Variants in SYNE2 observed in about 807,000 individuals in gnomAD.
SYNE2 encodes nesprin-2.
SYNE2 carries 431 observed loss-of-function variants against 856.3 expected under a neutral mutation model. The ratio of observed to expected loss-of-function variants is 0.50; its 90% CI spans 0.47 to 0.55. The LOEUF (loss-of-function observed/expected upper bound fraction) is 0.55. SYNE2 is among the 20% of genes least tolerant of loss of function. The pLI is 0.00. For missense variants in SYNE2, 8,129 were observed against 8,023.2 expected (o/e 1.01, Z -0.50); for synonymous variants, 2,923 against 2,872.3 (o/e 1.02, Z -0.56).
chr14:64,075,593 G>T, intron 53 of SYNE2: 1 of 241,250 alleles, frequency 4.1e-6, no homozygotes, highest in Non-Finnish European at 7.9e-6. Context: ...AAACTTCTTT[G>T]AAACTTTTTT....
At chr14:63,852,447 G>A (rs1010739833), upstream of SYNE2, among the ~76,000 whole-genome samples, 2 of 152,134 alleles carry the variant, frequency 1.3e-5, no homozygotes, top group African/African-American at 4.8e-5. Flanking sequence ...CCTCATCCAA[G>A]GGGAAGGAGG....
In SYNE2 at chr14:64,202,045, C is replaced by T; in HGVS notation, c.18039-756C>T. On this transcript the variant is annotated intron_variant, in intron 99 of 115. Transcript: ENST00000555002. ...CTTGACAGCATGTGGACGTGCACGC[C>T]AAGTTGTACTCATGCCATGCGTGTG... 3 of 611,758 alleles carry T rather than the reference C, an allele frequency of 4.9e-6. No individual in the cohort carries two copies. The South Asian group carries it at 5.8e-5, about 12-fold the overall frequency. The allele number at this position is 611,758 out of a possible 1,614,324, so 37.9% of individuals were successfully genotyped here.
In SYNE2 at chr14:64,007,228, GA is replaced by G. The variant is rs758128856; in HGVS notation, c.4577+14del. 7.4e-6 allele frequency: 12 copies of G among 1,612,184 alleles called. No individual in the cohort carries two copies. The highest frequency in any genetic ancestry group is 2.2e-5 in the South Asian group (2 of 91,056). On this transcript the variant is annotated splice_region_variant and intron_variant, in intron 31 of 115. Transcript: ENST00000555002. ...AAAGCCTTGGTCACCGAATGGTAAG[GA>G]AAAAAAAGAATCCCTCTTGAATCTG...
intron 14 of SYNE2, among the ~76,000 whole-genome samples, chr14:63,980,128 T>C (rs989864527): frequency 6.6e-6 from 1 of 152,228 alleles, no homozygotes; most frequent in African/African-American, 2.4e-5. Context: ...ATATTCATAC[T>C]ATTGGCACAC....
In SYNE2 at chr14:64,024,567, C is replaced by T. The variant is rs543880240; in HGVS notation, c.5840+108C>T. The stretch of plus-strand genomic sequence containing the variant: ...GGATACGCAGTACACACAAATTTCA[C>T]ACACAAAAGGCGTACTTTTCAATCC... On this transcript the variant is annotated intron_variant, in intron 39 of 115. Transcript: ENST00000555002. 9.2e-6 allele frequency: 10 copies of T among 1,089,900 alleles called. No homozygotes were observed. The South Asian group carries it at 1.4e-4, about 15-fold the overall frequency. The allele number at this position is 1,089,900 out of a possible 1,614,324, so 67.5% of individuals were successfully genotyped here.
chr14:64,013,533 G>A lies in SYNE2; in HGVS notation c.4729-2940G>A, dbSNP rs557884299. On this transcript the variant is annotated intron_variant, in intron 32 of 115. Transcript: ENST00000555002. ...GCCTATTATTCCACTCCATGCGTCC[G>A]TGTGCCCCCATTGTTTAGCTCCCAC... is the stretch of plus-strand genomic sequence containing the variant. Among the ~76,000 whole-genome samples the A allele has an allele frequency of 4.6e-5, 7 of 152,108 alleles. No homozygotes were observed. In the South Asian group the frequency reaches 6.2e-4, roughly 14 times the overall value.
chr14:64,010,975 C>T (rs1158887790), intron 32 of SYNE2, among the ~76,000 whole-genome samples: 1 of 152,160 alleles, frequency 6.6e-6, no homozygotes, highest in Non-Finnish European at 1.5e-5. Flanking sequence ...AGCTAAAGTG[C>T]TGTCAGGGTG....
At chr14:63,983,664 C>G in intron 17 of SYNE2, 73 bp from the exon 18 acceptor site, 1 of 1,246,326 alleles carries the variant, frequency 8.0e-7, no homozygotes, top group Non-Finnish European at 1.2e-6. Context: ...ATTACATCCA[C>G]TTACTGTTTG....
At chr14:63,806,831 T>C (rs1888378335) in intron 1 of SYNE2, among the ~76,000 whole-genome samples, 1 of 151,898 alleles carries the variant, frequency 6.6e-6, no homozygotes, top group South Asian at 2.1e-4. Flanking sequence ...TTTATTAGTC[T>C]AACTAGTGAT....
chr14:64,091,836 T>G (rs1488703713), intron 60 of SYNE2, among the ~76,000 whole-genome samples: 2 of 152,196 alleles, frequency 1.3e-5, no homozygotes, highest in African/African-American at 4.8e-5. Context: ...CTTTCCTGAT[T>G]AGATGGGTCA....
chr14:64,122,691 G>A (rs1399541511), intron 70 of SYNE2, among the ~76,000 whole-genome samples: 2 of 152,150 alleles, frequency 1.3e-5, no homozygotes, highest in Non-Finnish European at 2.9e-5. Flanking sequence ...CCATTAGATG[G>A]GGAAGAAAGA....
At chr14:64,138,137 G>C (rs1011340007) in intron 79 of SYNE2, 154 bp downstream of exon 79, 6 of 728,700 alleles carry the variant, frequency 8.2e-6, no homozygotes, top group Non-Finnish European at 1.2e-5. Flanking sequence ...GGCTAAACGC[G>C]ATGTAGAATC....
chr14:63,796,872 GT>G (rs1887933603), intron 1 of SYNE2, among the ~76,000 whole-genome samples: 1 of 152,094 alleles, frequency 6.6e-6, no homozygotes, highest in Non-Finnish European at 1.5e-5. Flanking sequence ...GAGGTCAGGA[GT>G]TGGAGACCAG....
chr14:63,774,423 C>A (rs1457538701), intron 1 of SYNE2, among the ~76,000 whole-genome samples: 1 of 138,552 alleles, frequency 7.2e-6, no homozygotes, highest in South Asian at 2.3e-4. Context: ...GAGCCGAGAT[C>A]GAGCCATTGC....
Position 64,113,125 on chromosome 14 carries a change from G to A in SYNE2, c.12610-216G>A, listed in dbSNP as rs369046742. On this transcript the variant is annotated intron_variant, in intron 65 of 115. Transcript: ENST00000555002. ...TGCGTCCTCTGTGCCCGGGAATACTGTACCTGCTTACTCGCAGATCGGCTG... is the reference window on the plus strand; with the variant it reads ...TGCGTCCTCTGTGCCCGGGAATACTATACCTGCTTACTCGCAGATCGGCTG... 26 of 985,268 alleles carry A rather than the reference G, an allele frequency of 2.6e-5. No homozygotes were observed. In the East Asian group the frequency reaches 9.1e-4, roughly 34 times the overall value. The allele number at this position is 985,268 out of a possible 1,614,324, so 61.0% of individuals were successfully genotyped here.
rs1484981222 is a variant in SYNE2, at chr14:63,942,034, C to A, written c.316-17C>A. On this transcript the variant is annotated splice_polypyrimidine_tract_variant and intron_variant, in intron 5 of 115. Coordinates refer to ENST00000555002, the MANE Select transcript of SYNE2 (RefSeq NM_182914.3). ...TGGGATATTTCCTCCTTTTAACCTGCACTTTTTGTTTTCCAGATTAAGCTA... is the reference window on the plus strand; with the variant it reads ...TGGGATATTTCCTCCTTTTAACCTGAACTTTTTGTTTTCCAGATTAAGCTA... The A allele has an allele frequency of 1.3e-6, 2 of 1,597,350 alleles. No homozygotes were observed. Among genetic ancestry groups the A allele is most frequent in the Non-Finnish European group, 1.7e-6 (2 of 1,165,716 alleles).
intron 66 of SYNE2, among the ~76,000 whole-genome samples, chr14:64,118,940 C>G (rs1359159994): frequency 6.6e-6 from 1 of 151,634 alleles, no homozygotes; most frequent in East Asian, 1.9e-4. Flanking sequence ...ATGTATCAAG[C>G]ACTGGCCAAA....
intron 25 of SYNE2, 136 bp from the exon 26 acceptor site, chr14:63,998,083 A>G (rs1006849597): frequency 1.2e-5 from 9 of 728,618 alleles, no homozygotes; most frequent in African/African-American, 8.8e-5. Context: ...GAGCTGAGAC[A>G]TCTCAAAGAA....
chr14:64,094,342 T>A (rs551753190), intron 61 of SYNE2, among the ~76,000 whole-genome samples: 40 of 150,696 alleles, frequency 2.7e-4, no homozygotes, highest in African/African-American at 8.5e-4. Flanking sequence ...TCAAAAAAAT[T>A]AAAAAAAATA....
Sources: gnomAD v4.1 joint callset for allele counts (sites outside exome capture counted in the v4.1 genomes callset) on GRCh38, gnomAD v4.1.1 for gene constraint, MANE v1.5 for transcripts, NCBI Gene and HGNC (gene_info 2026-07-23, HGNC 2026-07-21) for gene names.